TRHDE: variants seen among roughly 807,000 people sequenced by gnomAD.
The protein encoded by TRHDE is thyrotropin-releasing hormone-degrading ectoenzyme.
Under a neutral mutation model 125.7 loss-of-function variants are expected in TRHDE, and 72 were observed. The ratio of observed to expected loss-of-function variants is 0.57; its 90% CI spans 0.47 to 0.70. The LOEUF (loss-of-function observed/expected upper bound fraction) is 0.70, where lower values mean the gene tolerates loss of function less well. Ranked by LOEUF, TRHDE falls within the 30% of genes least tolerant of loss-of-function variation. The pLI is 0.00. For missense variants in TRHDE, 1,110 were observed against 1,327.1 expected, an observed-to-expected ratio of 0.84 and a Z score of 2.54; for synonymous variants, 509 against 509.1, an observed-to-expected ratio of 1.00 and a Z score of 0.00.
At chr12:72,492,814 T>A (rs1182634481) in intron 5 of TRHDE, among the ~76,000 whole-genome samples, 1 of 151,968 alleles carries the variant, frequency 6.6e-6, no homozygotes, top group Non-Finnish European at 1.5e-5. Context: ...ACATAAATTA[T>A]ATATCTTATT....
At chr12:72,350,737 G>A (rs547803233) in intron 2 of TRHDE, among the ~76,000 whole-genome samples, 77 of 152,132 alleles carry the variant, frequency 5.1e-4, no homozygotes, top group Admixed American at 1.4e-3. Context: ...AAGACTGGGT[G>A]TGTTTTCATA....
intron 7 of TRHDE, among the ~76,000 whole-genome samples, chr12:72,553,548 C>T (rs1373034052): frequency 6.6e-6 from 1 of 151,956 alleles, no homozygotes; most frequent in Non-Finnish European, 1.5e-5. Flanking sequence ...CATGAACTGC[C>T]CATCAGGGGT....
rs1008851362 is a variant in TRHDE at position 72,167,202 on chromosome 12, T to C, written n.279+61450T>C. Among the ~76,000 whole-genome samples the C allele has an allele frequency of 6.4e-4, 97 of 152,266 alleles. 1 individual carries two copies. Among genetic ancestry groups the C allele is most frequent in the African/African-American group, 2.2e-3 (91 of 41,532 alleles). ...CCACTCCAGTGTTGGCTCAATAGGC[T>C]AATCAGCAAAGTGACTATGGTAGCA... On this transcript the variant is annotated intron_variant and non_coding_transcript_variant, in intron 2 of 4. Transcript: ENST00000548156.
At chr12:72,648,506 T>C (rs1214226274) in intron 15 of TRHDE, among the ~76,000 whole-genome samples, 13 of 152,124 alleles carry the variant, frequency 8.5e-5, no homozygotes, top group Admixed American at 8.5e-4. Flanking sequence ...CCCTAAAGTC[T>C]CCACCAAAAA....
chr12:72,234,638 C>A (rs1176125439), intron 2 of TRHDE, among the ~76,000 whole-genome samples: 1 of 151,684 alleles, frequency 6.6e-6, no homozygotes, highest in Admixed American at 6.6e-5. Flanking sequence ...AATGATAAAT[C>A]AGAACAAAAT....
At chr12:72,489,611 G>T (rs1444669640) in intron 5 of TRHDE, among the ~76,000 whole-genome samples, 1 of 151,776 alleles carries the variant, frequency 6.6e-6, no homozygotes, top group African/African-American at 2.4e-5. Context: ...AGGATATAAT[G>T]ATCAGAAGAG....
At chr12:72,627,912 G>A (rs1873329015) in intron 15 of TRHDE, among the ~76,000 whole-genome samples, 1 of 151,344 alleles carries the variant, frequency 6.6e-6, no homozygotes, top group Non-Finnish European at 1.5e-5. Flanking sequence ...TAAACTCCTG[G>A]TCTCAAGCAA....
intron 2 of TRHDE, among the ~76,000 whole-genome samples, chr12:72,141,138 G>A (rs931813840): frequency 6.6e-6 from 1 of 151,990 alleles, no homozygotes; most frequent in African/African-American, 2.4e-5. Context: ...TATTTTATCT[G>A]GCAACTCTAA....
In TRHDE at chr12:72,666,447, G is replaced by A. The variant is rs1013530500; in HGVS notation, c.*3252G>A. The A allele has an allele frequency of 2.0e-5, 3 of 152,082 alleles. No individual in the cohort carries two copies. The highest frequency in any genetic ancestry group is 7.2e-5 in the African/African-American group (3 of 41,422). The allele number at this position is 152,082 out of a possible 1,614,324, so 9.4% of individuals were successfully genotyped here. ...GTGCACCTGTTGTCCCAGCTACTGG[G>A]GAGGCTGAGGTGGGAGAATTATTTA... On this transcript the variant is annotated 3_prime_UTR_variant, in exon 19 of 19. Transcript: ENST00000261180.
At chr12:72,547,469 T>G (rs1869473812) in intron 7 of TRHDE, among the ~76,000 whole-genome samples, 1 of 151,782 alleles carries the variant, frequency 6.6e-6, no homozygotes, top group Non-Finnish European at 1.5e-5. Context: ...ATTTCTAAAG[T>G]GATTACTCAT....
intron 6 of TRHDE, among the ~76,000 whole-genome samples, chr12:72,519,725 T>C (rs1330806534): frequency 6.6e-6 from 1 of 152,134 alleles, no homozygotes; most frequent in Non-Finnish European, 1.5e-5. Flanking sequence ...GTGCTCTGCT[T>C]TTTAGAGTTT....
intron 1 of TRHDE, among the ~76,000 whole-genome samples, chr12:72,088,876 C>T (rs1471499045): frequency 6.6e-6 from 1 of 151,988 alleles, no homozygotes. Context: ...GTTTCAAATA[C>T]TATCCATATG....
intron 6 of TRHDE, among the ~76,000 whole-genome samples, chr12:72,533,652 T>G (rs1475344128): frequency 6.6e-6 from 1 of 151,794 alleles, no homozygotes; most frequent in Non-Finnish European, 1.5e-5. Context: ...GCTTTGCTAT[T>G]TTATTAGTTT....
At chr12:72,316,378 T>G in intron 2 of TRHDE, among the ~76,000 whole-genome samples, 1 of 152,148 alleles carries the variant, frequency 6.6e-6, no homozygotes. Context: ...GTATAGCTAA[T>G]GCTCATGGCG....
rs1218753794 is a variant in TRHDE at position 72,499,486 on chromosome 12, G to T, written c.1585-12G>T. 1 of 1,613,102 alleles carries T rather than the reference G, an allele frequency of 6.2e-7. No homozygotes were observed. Among genetic ancestry groups the T allele is most frequent in the East Asian group, 2.2e-5 (1 of 44,844 alleles). On this transcript the variant is annotated splice_polypyrimidine_tract_variant and intron_variant, in intron 5 of 18. Transcript: ENST00000261180. ...AATCACCTATGATATTGCCCCGTCTGCTGTATTGCAGGAAAAGCAGAGGTT... is the reference window on the plus strand; with the variant it reads ...AATCACCTATGATATTGCCCCGTCTTCTGTATTGCAGGAAAAGCAGAGGTT...
chr12:72,334,071 G>C (rs1366971074), intron 2 of TRHDE, among the ~76,000 whole-genome samples: 1 of 151,936 alleles, frequency 6.6e-6, no homozygotes, highest in Non-Finnish European at 1.5e-5. Context: ...AAAGTGGAGA[G>C]AGAAGAGCAG....
chr12:72,625,174 T>C (rs1370120202), intron 15 of TRHDE, among the ~76,000 whole-genome samples: 1 of 151,896 alleles, frequency 6.6e-6, no homozygotes, highest in Non-Finnish European at 1.5e-5. Flanking sequence ...TATGGTATTA[T>C]AGGGTTTTCT....
At chr12:72,581,996 G>A (rs1308411046) in intron 12 of TRHDE, among the ~76,000 whole-genome samples, 1 of 151,540 alleles carries the variant, frequency 6.6e-6, no homozygotes, top group Non-Finnish European at 1.5e-5. Context: ...CAGCTACTCG[G>A]GAGGCTGAGG....
chr12:72,334,937 G>A (rs984960529), intron 2 of TRHDE, among the ~76,000 whole-genome samples: 32 of 152,182 alleles, frequency 2.1e-4, no homozygotes, highest in Non-Finnish European at 2.9e-5. Context: ...GGATATAAAA[G>A]GAATAGGATC....
Sources: gnomAD v4.1 joint callset for allele counts (sites outside exome capture counted in the v4.1 genomes callset) on GRCh38, gnomAD v4.1.1 for gene constraint, MANE v1.5 for transcripts, NCBI Gene and HGNC (gene_info 2026-07-23, HGNC 2026-07-21) for gene names.